The following EHMT1 variants were observed in gnomAD, a reference collection of about 807,000 sequenced individuals.
The protein encoded by EHMT1 is euchromatic histone lysine methyltransferase 1.
In EHMT1, 15 loss-of-function variants were observed where a neutral mutation model predicts 147.2. The ratio of observed to expected loss-of-function variants is 0.10; its 90% CI spans 0.07 to 0.16. The LOEUF (loss-of-function observed/expected upper bound fraction) is 0.16, where lower values mean the gene tolerates loss of function less well. Among genes scored for constraint, EHMT1 ranks in the 10% least tolerant of loss-of-function variants. The pLI is 1.00. For synonymous variants in EHMT1, 795 were observed against 709.6 expected, an observed-to-expected ratio of 1.12 and a Z score of -1.91; for missense variants, 1,587 against 1,772.4, an observed-to-expected ratio of 0.90 and a Z score of 1.88.
At chr9:137,722,004 T>C (rs992245125) in intron 3 of EHMT1, among the ~76,000 whole-genome samples, 46 of 152,084 alleles carry the variant, frequency 3.0e-4, no homozygotes, top group Admixed American at 9.2e-4. Flanking sequence ...CAGTCTTACG[T>C]GAACTTTAAA....
rs561862542 is a variant in EHMT1 at position 137,624,371 on chromosome 9, A to G, written c.21+5322A>G. On this transcript the variant is annotated intron_variant, in intron 1 of 26. Coordinates refer to ENST00000460843, the MANE Select transcript of EHMT1 (RefSeq NM_024757.5). ...CTGGCATCCAGTTGCCCAGGCTGGCATGCAGTGGTGTGTGATCTTGTCTTT... is the reference window on the plus strand; with the variant it reads ...CTGGCATCCAGTTGCCCAGGCTGGCGTGCAGTGGTGTGTGATCTTGTCTTT... Among the ~76,000 whole-genome samples the G allele has an allele frequency of 5.0e-4, 73 of 145,578 alleles. 1 individual carries two copies. Among genetic ancestry groups the G allele is most frequent in the African/African-American group, 1.8e-3 (70 of 39,000 alleles).
intron 15 of EHMT1, chr9:137,788,355 G>A (rs571727205): frequency 7.2e-5 from 25 of 345,810 alleles, no homozygotes; most frequent in Non-Finnish European, 1.1e-4. Flanking sequence ...GGCTCCACCC[G>A]CACCGCCTTC....
At chr9:137,789,227 C>G (rs1952295459) in intron 15 of EHMT1, 1 of 152,388 alleles carries the variant, frequency 6.6e-6, no homozygotes, top group Non-Finnish European at 1.5e-5. Context: ...CCCCTATGCT[C>G]CGCCCGAAGC....
chr9:137,710,937 C>T (rs375593370), intron 1 of EHMT1, 30 bp from the exon 2 acceptor site: 305 of 1,579,164 alleles, frequency 1.9e-4, no homozygotes, highest in Non-Finnish European at 2.3e-4. Context: ...CCACTGAACC[C>T]GGCTGACGGC....
chr9:137,804,694 G>GT (rs1439628766), intron 18 of EHMT1, among the ~76,000 whole-genome samples: 12 of 152,026 alleles, frequency 7.9e-5, no homozygotes, highest in African/African-American at 1.2e-4. Flanking sequence ...TCTTATACGA[G>GT]TTTTATGGTT....
chr9:137,796,338 G>A (rs187592591), intron 16 of EHMT1, among the ~76,000 whole-genome samples: 12 of 152,296 alleles, frequency 7.9e-5, no homozygotes, highest in Admixed American at 2.0e-4. Context: ...CAAAGGACAC[G>A]AACAGGCAGT....
chr9:137,719,105 C>A (rs1945668496), intron 3 of EHMT1, among the ~76,000 whole-genome samples: 1 of 152,156 alleles, frequency 6.6e-6, no homozygotes, highest in Non-Finnish European at 1.5e-5. Flanking sequence ...CGTTATCTTT[C>A]AAAAGACGGT....
chr9:137,834,958 C>T lies in EHMT1; in HGVS notation c.*5C>T, dbSNP rs774108340. The stretch of plus-strand genomic sequence containing the variant: ...GCTGCCGCCGACCCCCTATGAGACG[C>T]CGCCGGCCAGCGGGGCGCTCGGGAG... On this transcript the variant is annotated 3_prime_UTR_variant, in exon 27 of 27. Coordinates refer to ENST00000460843, the MANE Select transcript of EHMT1 (RefSeq NM_024757.5). 1 of 1,419,992 alleles carries T rather than the reference C, an allele frequency of 7.0e-7. No individual in the cohort carries two copies. The highest frequency in any genetic ancestry group is 9.1e-7 in the Non-Finnish European group (1 of 1,095,662). 88.0% of individuals were successfully genotyped at this position (1,419,992 alleles called of 1,614,324 possible).
At chr9:137,627,085 A>G (rs1843309392) in intron 1 of EHMT1, among the ~76,000 whole-genome samples, 1 of 151,680 alleles carries the variant, frequency 6.6e-6, no homozygotes, top group Non-Finnish European at 1.5e-5. Flanking sequence ...CGCACCCCCT[A>G]GTAGCTGGGA....
rs1464193892 is a variant in EHMT1 at position 137,775,252 on chromosome 9, G to A, written c.1791G>A (p.Ala597=). The change falls in exon 11 of 27, where the codon GCG becomes GCA. Residue 597 remains alanine (A), a splice_region_variant and synonymous_variant. Transcript: ENST00000460843. This position sits in a 1 kb window ranked among gnomAD's most constrained non-coding sequence, Gnocchi z 6.1. ...CCPGCGYFCT[A]GNFMECQPES... is the part of the protein sequence containing the mutation. ...CTGGCTGTGGCTACTTCTGCACAGCGGTAAGAGCCCAGTCCGGCAGCCTCT... is the reference window on the plus strand; with the variant it reads ...CTGGCTGTGGCTACTTCTGCACAGCAGTAAGAGCCCAGTCCGGCAGCCTCT... The A allele has an allele frequency of 6.2e-7, 1 of 1,610,432 alleles. No individual in the cohort carries two copies. The highest frequency in any genetic ancestry group is 8.5e-7 in the Non-Finnish European group (1 of 1,179,876).
At chr9:137,671,520 C>CTTTTT (rs71493689) in intron 1 of EHMT1, among the ~76,000 whole-genome samples, 196 of 105,232 alleles carry the variant, frequency 1.9e-3, no homozygotes, top group Non-Finnish European at 2.5e-3. Context: ...CCTTTTCTTT[C>CTTTTT]TTTTTTTTTT....
At chr9:137,736,733 A>G (rs1282410512) in intron 4 of EHMT1, among the ~76,000 whole-genome samples, 1 of 152,198 alleles carries the variant, frequency 6.6e-6, no homozygotes, top group Non-Finnish European at 1.5e-5. Context: ...TCTACTAAAA[A>G]TACAAAAATT....
At chr9:137,677,580 C>T (rs932982071) in intron 1 of EHMT1, among the ~76,000 whole-genome samples, 18 of 152,178 alleles carry the variant, frequency 1.2e-4, no homozygotes, top group Non-Finnish European at 2.5e-4. Flanking sequence ...CGCCCGCCAC[C>T]ACGCCCGGCT....
chr9:137,623,969 GCCGC>G (rs896795497), intron 1 of EHMT1, among the ~76,000 whole-genome samples: 3 of 151,222 alleles, frequency 2.0e-5, no homozygotes, highest in Non-Finnish European at 2.9e-5. Context: ...GCAGGTGTGT[GCCGC>G]CATACCCGGT....
At chr9:137,654,368 C>G (rs1589131084) in intron 1 of EHMT1, among the ~76,000 whole-genome samples, 2 of 132,590 alleles carry the variant, frequency 1.5e-5, no homozygotes, top group Non-Finnish European at 3.2e-5. Flanking sequence ...CCCCACCCCC[C>G]ACCCCTTACC....
chr9:137,834,841 A>G lies in EHMT1; in HGVS notation c.3785A>G (p.Lys1262Arg). The change falls in exon 27 of 27, where the codon AAG becomes AGG. Residue 1262 changes from lysine (K) to arginine (R), a missense_variant. Physicochemically the swap from Lys to Arg is conservative, Grantham distance 26. Transcript: ENST00000460843. ...KLFSCRCGSP[K>R]CRHSSAALAQ... ...TTCAGCTGCCGCTGCGGCTCCCCCA[A>G]GTGCCGGCACTCGAGCGCGGCCCTG... 6.2e-7 allele frequency: 1 copy of G among 1,612,484 alleles called. No individual in the cohort carries two copies. Among genetic ancestry groups the G allele is most frequent in the East Asian group, 2.2e-5 (1 of 44,842 alleles).
At chr9:137,800,685 G>A (rs1588783465) in intron 17 of EHMT1, 195 bp from the exon 18 acceptor site, 1 of 608,094 alleles carries the variant, frequency 1.6e-6, no homozygotes, top group Non-Finnish European at 2.9e-6. Flanking sequence ...CCTTCATCCT[G>A]CGCTTGTGGA....
At chr9:137,700,304 G>A (rs554539086) in intron 1 of EHMT1, among the ~76,000 whole-genome samples, 122 of 152,270 alleles carry the variant, frequency 8.0e-4, no homozygotes, top group African/African-American at 2.9e-3. Context: ...TGGCCTCCAC[G>A]TGCAGCATGG....
At chr9:137,778,460 C>A (rs1422187313) in intron 13 of EHMT1, among the ~76,000 whole-genome samples, 2 of 152,262 alleles carry the variant, frequency 1.3e-5, no homozygotes, top group Admixed American at 1.3e-4. Flanking sequence ...CGACAGCTCA[C>A]AAAAACCCAC....
Sources: allele counts gnomAD v4.1 joint callset (sites outside exome capture counted in the v4.1 genomes callset), GRCh38; gene constraint gnomAD v4.1.1; non-coding constraint Gnocchi (gnomAD v3.1); transcripts MANE v1.5; gene names NCBI Gene and HGNC (gene_info 2026-07-23, HGNC 2026-07-21).